The following DCC variants were observed in gnomAD, a reference collection of about 807,000 sequenced individuals.
DCC encodes DCC netrin 1 receptor.
A neutral mutation model predicts 172.5 loss-of-function variants in DCC; 58 were observed. The observed-to-expected ratio is 0.34, with a 90% CI of 0.27 to 0.42. DCC has a LOEUF of 0.42. Among genes scored for constraint, DCC ranks in the 10% least tolerant of loss-of-function variants. DCC has a pLI of 1.00. For missense variants in DCC, 1,740 were observed against 1,791.0 expected, an observed-to-expected ratio of 0.97 and a Z score of 0.51; for synonymous variants, 709 against 644.5, an observed-to-expected ratio of 1.10 and a Z score of -1.52.
chr18:53,219,291 C>T (rs2055896333), intron 12 of DCC, among the ~76,000 whole-genome samples: 1 of 152,122 alleles, frequency 6.6e-6, no homozygotes, highest in African/African-American at 2.4e-5. Flanking sequence ...TGGCTTCAAA[C>T]ATCTGTGCCT....
intron 12 of DCC, among the ~76,000 whole-genome samples, chr18:53,282,153 T>C (rs1346049932): frequency 3.9e-5 from 6 of 152,196 alleles, no homozygotes; most frequent in Admixed American, 1.3e-4. Flanking sequence ...TATTTACTGA[T>C]AGATTTTTCT....
chr18:53,175,956 C>G (rs1292996958), intron 8 of DCC, among the ~76,000 whole-genome samples: 1 of 152,038 alleles, frequency 6.6e-6, no homozygotes, highest in African/African-American at 2.4e-5. Flanking sequence ...ACCAAAACAG[C>G]ATGGTACTGG....
chr18:53,237,674 A>G (rs191751424), intron 12 of DCC, among the ~76,000 whole-genome samples: 423 of 152,334 alleles, frequency 2.8e-3, no homozygotes, highest in Non-Finnish European at 4.4e-3. Flanking sequence ...CCATAAAAAA[A>G]TGCATCTAAA....
chr18:52,484,636 G>C (rs1171069584), intron 1 of DCC, among the ~76,000 whole-genome samples: 3 of 151,930 alleles, frequency 2.0e-5, no homozygotes, highest in Non-Finnish European at 1.5e-5. Context: ...TACTAAACTG[G>C]AAGTTTCTGA....
chr18:53,289,325 C>T (rs559098660), intron 12 of DCC, among the ~76,000 whole-genome samples: 2 of 152,168 alleles, frequency 1.3e-5, no homozygotes, highest in East Asian at 3.9e-4. Context: ...TAAGCAAAGA[C>T]TGGGTAATAT....
intron 15 of DCC, among the ~76,000 whole-genome samples, chr18:53,349,799 A>G (rs2057768037): frequency 6.6e-6 from 1 of 152,178 alleles, no homozygotes; most frequent in Admixed American, 6.5e-5. Flanking sequence ...CCTTAATTCA[A>G]TCACCACAAA....
intron 1 of DCC, among the ~76,000 whole-genome samples, chr18:52,515,171 G>T (rs1224127429): frequency 6.6e-6 from 1 of 152,136 alleles, no homozygotes; most frequent in East Asian, 1.9e-4. Flanking sequence ...TTTGACAAAG[G>T]CTCAAAGCCA....
At chr18:52,537,775 G>A (rs1245425258) in intron 1 of DCC, among the ~76,000 whole-genome samples, 1 of 152,138 alleles carries the variant, frequency 6.6e-6, no homozygotes, top group Non-Finnish European at 1.5e-5. Flanking sequence ...ACCATTGAGA[G>A]ATTGTAATTA....
At chr18:52,991,065 A>G (rs1342320287) in intron 5 of DCC, among the ~76,000 whole-genome samples, 1 of 152,220 alleles carries the variant, frequency 6.6e-6, no homozygotes, top group East Asian at 1.9e-4. Flanking sequence ...GATTTACATT[A>G]GTGCAGATAA....
At chr18:53,249,643 AC>A (rs1453682432) in intron 12 of DCC, among the ~76,000 whole-genome samples, 1 of 151,978 alleles carries the variant, frequency 6.6e-6, no homozygotes, top group Admixed American at 6.6e-5. Context: ...TGAATTACAT[AC>A]TTTTCCTTGT....
At chr18:53,228,370 T>C (rs959203834) in intron 12 of DCC, among the ~76,000 whole-genome samples, 7 of 152,220 alleles carry the variant, frequency 4.6e-5, no homozygotes, top group Non-Finnish European at 1.0e-4. Flanking sequence ...GGATTATTTC[T>C]TTCATTAATT....
In DCC at chr18:52,393,986, A is replaced by G. The variant is rs529886873; in HGVS notation, c.91+53108A>G. Among the ~76,000 whole-genome samples, 12 of 152,156 alleles carry G rather than the reference A, an allele frequency of 7.9e-5. No homozygotes were observed. The East Asian group carries it at 2.3e-3, about 29-fold the overall frequency. ...TAGCATGCTTTTCAATCCACACCAT[A>G]GTTGATTTGTACCACACAGTACCCT... On this transcript the variant is annotated intron_variant, in intron 1 of 28. Transcript: ENST00000442544.
chr18:52,859,592 A>C (rs780266163), intron 2 of DCC, among the ~76,000 whole-genome samples: 1 of 152,136 alleles, frequency 6.6e-6, no homozygotes, highest in East Asian at 1.9e-4. Context: ...TAGATGGTGA[A>C]TGTTTCTTTA....
At chr18:53,021,753 T>C (rs1263754732) in intron 5 of DCC, among the ~76,000 whole-genome samples, 1 of 152,242 alleles carries the variant, frequency 6.6e-6, no homozygotes, top group African/African-American at 2.4e-5. Flanking sequence ...CACGTCACTG[T>C]TAATTCTAGC....
chr18:53,393,161 T>G (rs960135289), intron 17 of DCC, among the ~76,000 whole-genome samples: 1 of 152,210 alleles, frequency 6.6e-6, no homozygotes, highest in Non-Finnish European at 1.5e-5. Context: ...GAGGATGTTT[T>G]TTAACCCCAA....
At chr18:52,638,496 A>G (rs568323115) in intron 1 of DCC, among the ~76,000 whole-genome samples, 1 of 152,308 alleles carries the variant, frequency 6.6e-6, no homozygotes, top group East Asian at 1.9e-4. Context: ...TGGAAAAGGC[A>G]TTTTGTGCAA....
At chr18:52,954,950 T>C (rs143636207) in intron 5 of DCC, among the ~76,000 whole-genome samples, 284 of 152,168 alleles carry the variant, frequency 1.9e-3, no homozygotes, top group African/African-American at 6.1e-3. Flanking sequence ...AAGTACGGAG[T>C]TCTCATAACA....
chr18:52,773,699 T>C (rs560201765), intron 2 of DCC, among the ~76,000 whole-genome samples: 2 of 152,214 alleles, frequency 1.3e-5, no homozygotes, highest in South Asian at 4.1e-4. Context: ...GCTAATTTGT[T>C]TGTATTTTTA....
At chr18:53,367,994 G>T (rs1025429461) in intron 15 of DCC, among the ~76,000 whole-genome samples, 1 of 152,158 alleles carries the variant, frequency 6.6e-6, no homozygotes, top group South Asian at 2.1e-4. Flanking sequence ...ATTGCTTGAG[G>T]CTCTACCATA....
Sources: allele counts gnomAD v4.1 joint callset (sites outside exome capture counted in the v4.1 genomes callset), GRCh38; gene constraint gnomAD v4.1.1; transcripts MANE v1.5; gene names NCBI Gene and HGNC (gene_info 2026-07-23, HGNC 2026-07-21).